Variants in CFAP77 observed in about 807,000 individuals in gnomAD.
The protein encoded by CFAP77 is cilia- and flagella-associated protein 77.
In CFAP77, 25 loss-of-function variants were observed where a neutral mutation model predicts 31.1. That is an observed-to-expected ratio of 0.80 (90% CI 0.59 to 1.12). The LOEUF is 1.12. Among genes scored for constraint, CFAP77 ranks in the 50% most tolerant of loss-of-function variants. The pLI, the probability that CFAP77 is intolerant of heterozygous loss-of-function variation, is 0.00. For synonymous variants in CFAP77, 151 were observed against 159.9 expected (o/e 0.94, Z 0.42); for missense variants, 377 against 397.3 (o/e 0.95, Z 0.44).
At chr9:132,431,073 C>T (rs565354702) in intron 1 of CFAP77, among the ~76,000 whole-genome samples, 5 of 152,266 alleles carry the variant, frequency 3.3e-5, no homozygotes, top group Non-Finnish European at 7.4e-5. Flanking sequence ...AGGGAAGAAT[C>T]CAGGAAAGGA....
intron 1 of CFAP77, among the ~76,000 whole-genome samples, chr9:132,434,903 A>G (rs954927668): frequency 2.6e-5 from 4 of 152,196 alleles, no homozygotes; most frequent in Non-Finnish European, 5.9e-5. Flanking sequence ...CCAGAGCACA[A>G]AAGCGAAAAG....
intron 3 of CFAP77, among the ~76,000 whole-genome samples, chr9:132,530,447 G>GT: frequency 6.6e-6 from 1 of 151,954 alleles, no homozygotes; most frequent in Non-Finnish European, 1.5e-5. Flanking sequence ...AGCTAATTTT[G>GT]TATTTTTAGT....
At chr9:132,494,191 C>T (rs898085612) in intron 1 of CFAP77, among the ~76,000 whole-genome samples, 14 of 152,154 alleles carry the variant, frequency 9.2e-5, no homozygotes, top group East Asian at 5.8e-4. Context: ...GGATTACAGG[C>T]GTGAGCCACC....
At position 132,503,373 on chromosome 9, in the gene CFAP77, C is replaced by T. The variant is rs183705655; in HGVS notation, c.524+3773C>T. On this transcript the variant is annotated intron_variant, in intron 3 of 5. Coordinates refer to ENST00000393216, the MANE Select transcript of CFAP77 (RefSeq NM_001282957.2). ...TCACTAGATCAGTCCATGCTGGTGA[C>T]CAAGTGTCACAAAGACAGTGTGGTG... Among the ~76,000 whole-genome samples the T allele has an allele frequency of 1.4e-3, 212 of 152,304 alleles. 1 individual carries two copies. Among genetic ancestry groups the T allele is most frequent in the African/African-American group, 4.8e-3 (199 of 41,554 alleles).
intron 1 of CFAP77, among the ~76,000 whole-genome samples, chr9:132,465,564 G>A (rs1460424828): frequency 6.6e-6 from 1 of 152,190 alleles, no homozygotes; most frequent in African/African-American, 2.4e-5. Flanking sequence ...GTGTGCCCAA[G>A]TTCAGGTGAG....
chr9:132,503,330 T>A (rs533547021), intron 3 of CFAP77, among the ~76,000 whole-genome samples: 24 of 152,294 alleles, frequency 1.6e-4, no homozygotes, highest in Admixed American at 1.6e-3. Flanking sequence ...CTGTTCCTGG[T>A]CCGTGCTGTG....
intron 1 of CFAP77, among the ~76,000 whole-genome samples, chr9:132,444,739 A>G (rs2131706080): frequency 6.6e-6 from 1 of 152,348 alleles, no homozygotes; most frequent in East Asian, 1.9e-4. Flanking sequence ...TTTTTTAAAA[A>G]AAATTGTAGT....
Position 132,495,584 on chromosome 9 carries a change from T to G in CFAP77, c.196-3111T>G, listed in dbSNP as rs146549108. Among the ~76,000 whole-genome samples the G allele has an allele frequency of 2.6e-5, 4 of 152,134 alleles. No individual in the cohort carries two copies. Among genetic ancestry groups the G allele is most frequent in the African/African-American group, 9.6e-5 (4 of 41,506 alleles). On this transcript the variant is annotated intron_variant, in intron 1 of 5. Coordinates refer to ENST00000393216, the MANE Select transcript of CFAP77 (RefSeq NM_001282957.2). The surrounding 1 kb of genome is among the most constrained non-coding windows in gnomAD (Gnocchi z 4.2). ...AGAGCCCCATCACTCTTGAGGAACATTGGGGTCTGGGATTTGAGATGGAAA... is the reference window on the plus strand; with the variant it reads ...AGAGCCCCATCACTCTTGAGGAACAGTGGGGTCTGGGATTTGAGATGGAAA...
rs1477184467 is a variant in CFAP77 at position 132,498,940 on chromosome 9, G to A, written c.295+146G>A. Reference sequence around the variant, plus strand: ...GGACCGCCAGCCTGGGCAGCTGACTGGTAAAACCCAGGAAGTGGCCCAGAT... The same window carrying A: ...GGACCGCCAGCCTGGGCAGCTGACTAGTAAAACCCAGGAAGTGGCCCAGAT... On this transcript the variant is annotated intron_variant, in intron 2 of 5. Transcript: ENST00000393216. The surrounding 1 kb of genome is among the most constrained non-coding windows in gnomAD (Gnocchi z 4.2). The A allele has an allele frequency of 3.1e-6, 2 of 643,142 alleles. No individual in the cohort carries two copies. Among genetic ancestry groups the A allele is most frequent in the South Asian group, 1.9e-5 (1 of 51,718 alleles). The allele number at this position is 643,142 out of a possible 1,614,324, so 39.8% of individuals were successfully genotyped here.
At chr9:132,438,836 G>A (rs1456723723) in intron 1 of CFAP77, among the ~76,000 whole-genome samples, 3 of 150,590 alleles carry the variant, frequency 2.0e-5, no homozygotes, top group Admixed American at 6.6e-5. Flanking sequence ...CACCTGACCG[G>A]CCAACATTCT....
Position 132,455,787 on chromosome 9 carries a change from C to T in CFAP77, c.196-42908C>T, listed in dbSNP as rs1252311939. On this transcript the variant is annotated intron_variant, in intron 1 of 5. Coordinates refer to ENST00000393216, the MANE Select transcript of CFAP77 (RefSeq NM_001282957.2). This position sits in a 1 kb window ranked among gnomAD's most constrained non-coding sequence, Gnocchi z 4.1. ...CCCAAATGTCTCTCCACTCAGCTCC[C>T]AACAGGATGCAATTGTCAAGGAAAG... 1.3e-5 allele frequency among the ~76,000 whole-genome samples: 2 copies of T among 152,076 alleles called. No individual in the cohort carries two copies. The highest frequency in any genetic ancestry group is 2.9e-5 in the Non-Finnish European group (2 of 67,994).
At chr9:132,555,739 C>G (rs1233408172) in intron 5 of CFAP77, among the ~76,000 whole-genome samples, 1 of 152,104 alleles carries the variant, frequency 6.6e-6, no homozygotes, top group African/African-American at 2.4e-5. Context: ...CCCGCCCTTT[C>G]CCTAACACAC....
Position 132,545,932 on chromosome 9 carries a change from C to G in CFAP77, c.732+2885C>G, listed in dbSNP as rs1000011306. Among the ~76,000 whole-genome samples the G allele has an allele frequency of 2.6e-5, 4 of 152,172 alleles. No individual in the cohort carries two copies. Among genetic ancestry groups the G allele is most frequent in the African/African-American group, 9.7e-5 (4 of 41,434 alleles). On this transcript the variant is annotated intron_variant, in intron 5 of 5. Coordinates refer to ENST00000393216, the MANE Select transcript of CFAP77 (RefSeq NM_001282957.2). The surrounding 1 kb of genome is among the most constrained non-coding windows in gnomAD (Gnocchi z 4.6). ...CATTCTCACCACCAAGGGATCCTTT[C>G]TTCCCCTTCACGGCACTTAACTCTG...
intron 3 of CFAP77, among the ~76,000 whole-genome samples, chr9:132,508,456 G>A (rs772771963): frequency 2.6e-5 from 4 of 152,178 alleles, no homozygotes; most frequent in Non-Finnish European, 5.9e-5. Context: ...ATGGGCGGGA[G>A]AGGGGGAGGG....
intron 1 of CFAP77, among the ~76,000 whole-genome samples, chr9:132,492,297 C>G (rs559922933): frequency 7.6e-6 from 1 of 130,728 alleles, no homozygotes; most frequent in Non-Finnish European, 1.6e-5. Flanking sequence ...CAAAAAAGAA[C>G]CCCCCCCAAA....
intron 1 of CFAP77, among the ~76,000 whole-genome samples, chr9:132,417,592 C>T (rs894759710): frequency 3.9e-5 from 6 of 152,176 alleles, no homozygotes; most frequent in South Asian, 2.1e-4. Flanking sequence ...CTGCCACCCA[C>T]GAGACTATTT....
intron 3 of CFAP77, chr9:132,513,140 T>G: frequency 9.3e-7 from 1 of 1,074,720 alleles, no homozygotes; most frequent in Non-Finnish European, 1.3e-6. Flanking sequence ...GGTCTCCAGC[T>G]CCTCAAGCAC....
intron 1 of CFAP77, among the ~76,000 whole-genome samples, chr9:132,460,704 T>A (rs898666002): frequency 1.3e-5 from 2 of 152,092 alleles, no homozygotes; most frequent in African/African-American, 4.8e-5. Context: ...GTGATGGTTG[T>A]GCAACATTGT....
chr9:132,495,350 T>G lies in CFAP77; in HGVS notation c.196-3345T>G, dbSNP rs1344532296. On this transcript the variant is annotated intron_variant, in intron 1 of 5. Transcript: ENST00000393216. The surrounding 1 kb of genome is among the most constrained non-coding windows in gnomAD (Gnocchi z 4.2). ...CTGTCATTCCCCTGCCAGCTGAAAC[T>G]CTGCCCACCTGCACCTGCCTTGAGG... 6.6e-6 allele frequency among the ~76,000 whole-genome samples: 1 copy of G among 152,140 alleles called. No homozygotes were observed. The highest frequency in any genetic ancestry group is 1.5e-5 in the Non-Finnish European group (1 of 68,016).
Sources: allele counts gnomAD v4.1 joint callset (sites outside exome capture counted in the v4.1 genomes callset), GRCh38; gene constraint gnomAD v4.1.1; non-coding constraint Gnocchi (gnomAD v3.1); transcripts MANE v1.5; gene names NCBI Gene and HGNC (gene_info 2026-07-23, HGNC 2026-07-21).